Variants in CDH18 observed in about 807,000 individuals in gnomAD.
CDH18 encodes the protein cadherin 18, also known as cadherin-18.
A neutral mutation model predicts 67.9 loss-of-function variants in CDH18; 31 were observed. The ratio of observed to expected loss-of-function variants is 0.46; its 90% CI spans 0.34 to 0.62. The LOEUF (loss-of-function observed/expected upper bound fraction) is 0.62. CDH18 is among the 20% of genes least tolerant of loss of function. The pLI, the probability that CDH18 is intolerant of heterozygous loss-of-function variation, is 0.01. For synonymous variants in CDH18, 362 were observed against 347.2 expected (o/e 1.04, Z -0.48); for missense variants, 890 against 975.5 (o/e 0.91, Z 1.17).
At chr5:19,565,312 C>A (rs1369755844) in intron 8 of CDH18, among the ~76,000 whole-genome samples, 2 of 152,278 alleles carry the variant, frequency 1.3e-5, no homozygotes, top group Middle Eastern at 3.4e-3. Context: ...ATGCTTATGT[C>A]ACTCCTCTGC....
chr5:19,932,334 G>C (rs868815470), intron 2 of CDH18, among the ~76,000 whole-genome samples: 1 of 151,562 alleles, frequency 6.6e-6, no homozygotes. Flanking sequence ...ATTAAAGTAC[G>C]CGTGTTATTT....
At chr5:20,018,418 T>C (rs1004003829) in intron 2 of CDH18, among the ~76,000 whole-genome samples, 1 of 152,210 alleles carries the variant, frequency 6.6e-6, no homozygotes, top group African/African-American at 2.4e-5. Flanking sequence ...TTCTTTTGTC[T>C]AGTGTGGAGT....
intron 2 of CDH18, among the ~76,000 whole-genome samples, chr5:20,174,789 G>T (rs1737103958): frequency 6.6e-6 from 1 of 152,092 alleles, no homozygotes. Flanking sequence ...ATGCATGGAT[G>T]TTTGCCAGAA....
intron 9 of CDH18, among the ~76,000 whole-genome samples, chr5:19,532,916 A>G (rs1281281946): frequency 6.6e-6 from 1 of 152,204 alleles, no homozygotes; most frequent in African/African-American, 2.4e-5. Flanking sequence ...AGACATCTGA[A>G]GAAGATTGAG....
chr5:19,475,268 T>C (rs1055900654), intron 12 of CDH18, among the ~76,000 whole-genome samples: 6 of 150,170 alleles, frequency 4.0e-5, no homozygotes, highest in Non-Finnish European at 8.9e-5. Flanking sequence ...CATTTGAAGT[T>C]GAAAATATCT....
At chr5:20,457,116 G>A (rs1750888347) in intron 1 of CDH18, among the ~76,000 whole-genome samples, 1 of 152,106 alleles carries the variant, frequency 6.6e-6, no homozygotes, top group Non-Finnish European at 1.5e-5. Context: ...ATGAAACAAT[G>A]ACATTTGCCT....
rs868642866 is a variant in CDH18 at position 19,559,670 on chromosome 5, C to T, written c.1253+11909G>A. 1.1e-4 allele frequency among the ~76,000 whole-genome samples: 17 copies of T among 151,934 alleles called. 1 individual carries two copies. In the Middle Eastern group the frequency reaches 0.02, roughly 182 times the overall value. ...AGAAGTCCTAGCCAGAGCAGTCAAA[C>T]GAGAGAAAGAAATAAAGGACATCCA... On this transcript the variant is annotated intron_variant, in intron 8 of 12. Coordinates refer to ENST00000382275, the MANE Select transcript of CDH18 (RefSeq NM_004934.5).
intron 1 of CDH18, among the ~76,000 whole-genome samples, chr5:20,429,916 A>C (rs541956454): frequency 6.6e-6 from 1 of 152,308 alleles, no homozygotes; most frequent in South Asian, 2.1e-4. Flanking sequence ...CAATAAGTCC[A>C]TTCCAAAGAA....
At chr5:19,826,410 C>A (rs2149972471) in intron 3 of CDH18, among the ~76,000 whole-genome samples, 1 of 152,172 alleles carries the variant, frequency 6.6e-6, no homozygotes, top group South Asian at 2.1e-4. Flanking sequence ...GATGACCATT[C>A]CCTAAGACAC....
intron 5 of CDH18, among the ~76,000 whole-genome samples, chr5:19,664,843 T>C (rs575880996): frequency 2.7e-3 from 416 of 152,096 alleles, no homozygotes; most frequent in Middle Eastern, 6.8e-3. Context: ...AAGAATCTCT[T>C]TAATTTTCCT....
At chr5:20,032,111 C>A (rs1166347302) in intron 2 of CDH18, among the ~76,000 whole-genome samples, 7 of 151,752 alleles carry the variant, frequency 4.6e-5, no homozygotes, top group African/African-American at 1.7e-4. Context: ...TCTTTATCCT[C>A]AAAAAATGAC....
intron 2 of CDH18, among the ~76,000 whole-genome samples, chr5:20,154,928 G>T (rs896821683): frequency 2.4e-4 from 36 of 152,196 alleles, no homozygotes; most frequent in African/African-American, 8.4e-4. Flanking sequence ...TGAAGACACT[G>T]CATTTTTTGT....
intron 4 of CDH18, among the ~76,000 whole-genome samples, chr5:19,723,337 T>C (rs372540319): frequency 3.3e-5 from 5 of 152,278 alleles, no homozygotes; most frequent in East Asian, 3.9e-4. Flanking sequence ...GGAAAGTTTA[T>C]TCTGTGTCTT....
At chr5:20,108,804 TG>T (rs1415020896) in intron 2 of CDH18, among the ~76,000 whole-genome samples, 1 of 152,142 alleles carries the variant, frequency 6.6e-6, no homozygotes, top group East Asian at 1.9e-4. Flanking sequence ...GTGTGTTTTC[TG>T]GTTGCTGGAC....
intron 2 of CDH18, among the ~76,000 whole-genome samples, chr5:20,160,471 T>A (rs1030039771): frequency 1.3e-5 from 2 of 152,228 alleles, no homozygotes; most frequent in African/African-American, 4.8e-5. Flanking sequence ...TAAGATTACG[T>A]CTTGCTTTAT....
At chr5:19,508,559 C>T (rs918571956) in intron 10 of CDH18, among the ~76,000 whole-genome samples, 4 of 145,838 alleles carry the variant, frequency 2.7e-5, no homozygotes, top group African/African-American at 2.6e-5. Context: ...GTCTACATTA[C>T]AAAAGCAAAG....
chr5:20,189,994 A>G (rs900807415), intron 2 of CDH18, among the ~76,000 whole-genome samples: 1 of 152,120 alleles, frequency 6.6e-6, no homozygotes, highest in African/African-American at 2.4e-5. Context: ...CAGATGAGCC[A>G]TAGAGGAGAC....
At chr5:19,957,019 A>G (rs1796319663) in intron 2 of CDH18, among the ~76,000 whole-genome samples, 1 of 151,912 alleles carries the variant, frequency 6.6e-6, no homozygotes, top group Non-Finnish European at 1.5e-5. Context: ...ACATACTAAC[A>G]ATTTCTGCCC....
chr5:19,536,811 C>T (rs1042577621), intron 9 of CDH18, among the ~76,000 whole-genome samples: 2 of 152,112 alleles, frequency 1.3e-5, no homozygotes, highest in Admixed American at 1.3e-4. Flanking sequence ...ATGGAACACA[C>T]TTTGAGAGCT....
Sources: gnomAD v4.1 joint callset for allele counts (sites outside exome capture counted in the v4.1 genomes callset) on GRCh38, gnomAD v4.1.1 for gene constraint, MANE v1.5 for transcripts, NCBI Gene and HGNC (gene_info 2026-07-23, HGNC 2026-07-21) for gene names.